EFR3A: variants seen among roughly 807,000 people sequenced by gnomAD.
EFR3A encodes the protein protein EFR3 homolog A.
Under a neutral mutation model 104.4 loss-of-function variants are expected in EFR3A, and 76 were observed. The ratio of observed to expected loss-of-function variants is 0.73; its 90% CI spans 0.60 to 0.88. EFR3A has a LOEUF of 0.88. Among genes scored for constraint, EFR3A ranks in the 40% least tolerant of loss-of-function variants. The probability of loss-of-function intolerance (pLI) is 0.00; values close to 1 mark genes in which losing one functional copy is unlikely to be tolerated. For synonymous variants in EFR3A, 330 were observed against 330.0 expected, an observed-to-expected ratio of 1.00 and a Z score of 0.00; for missense variants, 985 against 1,012.5, an observed-to-expected ratio of 0.97 and a Z score of 0.37.
chr8:131,921,719 G>T (rs1048419424), intron 1 of EFR3A, among the ~76,000 whole-genome samples: 4 of 152,056 alleles, frequency 2.6e-5, no homozygotes, highest in South Asian at 2.1e-4. Context: ...TTATTTCCTT[G>T]TCTTAGTTAT....
intron 18 of EFR3A, among the ~76,000 whole-genome samples, chr8:131,994,600 A>C (rs777481181): frequency 1.3e-5 from 2 of 152,226 alleles, no homozygotes; most frequent in Non-Finnish European, 2.9e-5. Context: ...TATTGGTAGT[A>C]TAGAAGGGAG....
At chr8:131,988,065 G>A (rs1008557862) in intron 18 of EFR3A, among the ~76,000 whole-genome samples, 2 of 151,938 alleles carry the variant, frequency 1.3e-5, no homozygotes, top group African/African-American at 4.8e-5. Flanking sequence ...TGATTATTTA[G>A]GTTAATGAAT....
chr8:131,965,578 T>C (rs1049716550), intron 8 of EFR3A, among the ~76,000 whole-genome samples: 30 of 152,314 alleles, frequency 2.0e-4, no homozygotes, highest in African/African-American at 6.3e-4. Context: ...CTGGAGAGGA[T>C]GTAGAGAAAT....
intron 4 of EFR3A, among the ~76,000 whole-genome samples, chr8:131,948,084 A>C (rs1382653990): frequency 6.6e-6 from 1 of 152,116 alleles, no homozygotes; most frequent in Non-Finnish European, 1.5e-5. Flanking sequence ...TAAGGCATTC[A>C]ACCTACATGA....
At chr8:131,981,021 T>TTATATATATATATATATATA (rs762282805) in intron 14 of EFR3A, among the ~76,000 whole-genome samples, 13 of 126,032 alleles carry the variant, frequency 1.0e-4, no homozygotes, top group African/African-American at 3.6e-4. Flanking sequence ...GTATTTCATT[T>TTATATATATATATATATATA]TATATATATA....
chr8:131,965,336 G>T (rs1381481227), intron 8 of EFR3A, among the ~76,000 whole-genome samples: 1 of 152,100 alleles, frequency 6.6e-6, no homozygotes, highest in Non-Finnish European at 1.5e-5. Context: ...GGGCTAATAT[G>T]CAGACTCCAC....
At chr8:131,926,774 C>A (rs761655712) in intron 1 of EFR3A, among the ~76,000 whole-genome samples, 1 of 152,048 alleles carries the variant, frequency 6.6e-6, no homozygotes, top group East Asian at 1.9e-4. Flanking sequence ...TGTGTGCCAC[C>A]GTGTCCAGCT....
At position 131,938,585 on chromosome 8, in the gene EFR3A, T is replaced by C. The variant is rs868586214; in HGVS notation, c.11-1914T>C. On this transcript the variant is annotated intron_variant, in intron 1 of 22. Coordinates refer to ENST00000254624, the MANE Select transcript of EFR3A (RefSeq NM_015137.6). ...TGTTGGGCCTTCCTGAGAAACTCAC[T>C]GTGATCATTTATTTCCCTATATGGC... Among the ~76,000 whole-genome samples the C allele has an allele frequency of 1.9e-4, 29 of 152,158 alleles. 1 individual carries two copies. The highest frequency in any genetic ancestry group is 7.0e-4 in the African/African-American group (29 of 41,448).
chr8:132,012,654 A>G lies in EFR3A; in HGVS notation c.*1759A>G, dbSNP rs1255319290. 1 of 152,570 alleles carries G rather than the reference A, an allele frequency of 6.6e-6. No homozygotes were observed. The highest frequency in any genetic ancestry group is 1.5e-5 in the Non-Finnish European group (1 of 68,034). 9.5% of individuals were successfully genotyped at this position (152,570 alleles called of 1,614,324 possible). ...GTTAATTTTTGACTATATATTTTAA[A>G]AAAATCTAAGCAGGGGGACATGCAA... On this transcript the variant is annotated 3_prime_UTR_variant, in exon 23 of 23. Coordinates refer to ENST00000254624, the MANE Select transcript of EFR3A (RefSeq NM_015137.6).
chr8:131,989,495 CA>C (rs1294260445), intron 18 of EFR3A, among the ~76,000 whole-genome samples: 3 of 152,130 alleles, frequency 2.0e-5, no homozygotes, highest in African/African-American at 7.2e-5. Context: ...TCTTTGTTTA[CA>C]AATGAGTATA....
chr8:131,989,915 TATCTC>T (rs1821078849), intron 18 of EFR3A, among the ~76,000 whole-genome samples: 1 of 152,186 alleles, frequency 6.6e-6, no homozygotes, highest in African/African-American at 2.4e-5. Flanking sequence ...GTATTTTACT[TATCTC>T]TTATCAACCT....
At chr8:132,001,734 G>C (rs373951430) in intron 19 of EFR3A, 25 bp from the exon 20 acceptor site, 1 of 1,605,690 alleles carries the variant, frequency 6.2e-7, no homozygotes, top group Admixed American at 1.7e-5. Context: ...TTTAACTCTC[G>C]ATTTCACTTA....
At chr8:131,959,217 G>T (rs2130644992) in intron 7 of EFR3A, among the ~76,000 whole-genome samples, 1 of 152,098 alleles carries the variant, frequency 6.6e-6, no homozygotes, top group South Asian at 2.1e-4. Context: ...ATAATCTAAG[G>T]CTGTTCCCCT....
intron 5 of EFR3A, among the ~76,000 whole-genome samples, chr8:131,950,585 A>G (rs911756411): frequency 6.6e-6 from 1 of 152,040 alleles, no homozygotes; most frequent in Non-Finnish European, 1.5e-5. Context: ...TTCTACCCCT[A>G]GCTATCTTTA....
At chr8:131,946,006 G>A (rs1818419846) in intron 3 of EFR3A, among the ~76,000 whole-genome samples, 1 of 151,988 alleles carries the variant, frequency 6.6e-6, no homozygotes, top group African/African-American at 2.4e-5. Flanking sequence ...TTAAGTACAA[G>A]ATGTAAAATC....
intron 8 of EFR3A, 32 bp downstream of exon 8, chr8:131,959,695 T>G: frequency 1.3e-6 from 2 of 1,533,720 alleles, no homozygotes; most frequent in South Asian, 1.2e-5. Context: ...ACTGTATTTA[T>G]ATAAGTAATT....
At chr8:131,983,408 A>G (rs1820716912) in intron 14 of EFR3A, among the ~76,000 whole-genome samples, 3 of 152,124 alleles carry the variant, frequency 2.0e-5, no homozygotes, top group African/African-American at 7.2e-5. Flanking sequence ...GTTAGAGTTG[A>G]GAGCTAATTG....
intron 1 of EFR3A, among the ~76,000 whole-genome samples, chr8:131,936,969 C>T (rs192614948): frequency 2.0e-5 from 3 of 152,190 alleles, no homozygotes; most frequent in East Asian, 3.9e-4. Flanking sequence ...CAGCCCCTCC[C>T]GCATCCTTAG....
rs79239906 is a variant in EFR3A at position 131,933,006 on chromosome 8, A to G, written c.11-7493A>G. On this transcript the variant is annotated intron_variant, in intron 1 of 22. Coordinates refer to ENST00000254624, the MANE Select transcript of EFR3A (RefSeq NM_015137.6). Reference sequence around the variant, plus strand: ...ATATTAATTAGCAAAGTAAATTTCAATGTGATAGTACCATGGTTTGCATTA... The same window carrying G: ...ATATTAATTAGCAAAGTAAATTTCAGTGTGATAGTACCATGGTTTGCATTA... 7.0e-3 allele frequency among the ~76,000 whole-genome samples: 1,060 copies of G among 152,260 alleles called. 7 individuals carry two copies. The highest frequency in any genetic ancestry group is 9.6e-3 in the Non-Finnish European group (655 of 68,016).
Sources: allele counts gnomAD v4.1 joint callset (sites outside exome capture counted in the v4.1 genomes callset), GRCh38; gene constraint gnomAD v4.1.1; transcripts MANE v1.5; gene names NCBI Gene and HGNC (gene_info 2026-07-23, HGNC 2026-07-21).